The following ZRANB3 variants were observed in gnomAD, a reference collection of about 807,000 sequenced individuals.
ZRANB3 encodes zinc finger RANBP2-type containing 3.
Under a neutral mutation model 133.8 loss-of-function variants are expected in ZRANB3, and 125 were observed. The ratio of observed to expected loss-of-function variants is 0.93; its 90% CI spans 0.81 to 1.08. The LOEUF is 1.08. ZRANB3 is among the 50% of genes least tolerant of loss of function. The pLI is 0.00. For missense variants in ZRANB3, 1,229 were observed against 1,275.5 expected (o/e 0.96, Z 0.56); for synonymous variants, 387 against 432.7 (o/e 0.89, Z 1.31).
intron 15 of ZRANB3, among the ~76,000 whole-genome samples, chr2:135,223,561 C>T (rs534440385): frequency 2.0e-4 from 31 of 152,212 alleles, no homozygotes; most frequent in African/African-American, 7.2e-4. Context: ...CTCCTGACCT[C>T]AGGTGATCCA....
intron 12 of ZRANB3, among the ~76,000 whole-genome samples, chr2:135,251,469 G>A (rs529759180): frequency 5.9e-4 from 90 of 152,228 alleles, no homozygotes; most frequent in Admixed American, 1.6e-3. Flanking sequence ...GTTTGGCTGT[G>A]TCCCCACCCA....
At chr2:135,374,903 C>G (rs1686351722) in intron 3 of ZRANB3, among the ~76,000 whole-genome samples, 1 of 152,138 alleles carries the variant, frequency 6.6e-6, no homozygotes, top group Admixed American at 6.5e-5. Flanking sequence ...AAGATCTGAA[C>G]AGAGACCTCA....
intron 5 of ZRANB3, among the ~76,000 whole-genome samples, chr2:135,347,253 CAT>C (rs764685780): frequency 3.6e-4 from 54 of 151,314 alleles, no homozygotes; most frequent in Admixed American, 5.3e-4. Context: ...TAACTATACA[CAT>C]GAGTATATAA....
chr2:135,243,519 A>T (rs1308282517), intron 12 of ZRANB3, among the ~76,000 whole-genome samples: 3 of 152,342 alleles, frequency 2.0e-5, no homozygotes, highest in Non-Finnish European at 4.4e-5. Context: ...ATAATAATTT[A>T]AAAAAATTAC....
At chr2:135,463,432 T>G (rs550848906) in intron 2 of ZRANB3, among the ~76,000 whole-genome samples, 16 of 152,188 alleles carry the variant, frequency 1.1e-4, no homozygotes, top group Non-Finnish European at 2.2e-4. Flanking sequence ...GTTTTTTTTT[T>G]TTGAGACGGA....
intron 4 of ZRANB3, among the ~76,000 whole-genome samples, chr2:135,351,431 C>A (rs1209131803): frequency 6.6e-6 from 1 of 151,910 alleles, no homozygotes; most frequent in African/African-American, 2.4e-5. Context: ...CCACACCTGG[C>A]TAATTATTTG....
chr2:135,305,549 G>C (rs867158704), intron 8 of ZRANB3, among the ~76,000 whole-genome samples: 2 of 152,038 alleles, frequency 1.3e-5, no homozygotes, highest in South Asian at 4.1e-4. Context: ...TTGTTTTATC[G>C]TTGTTTTCTG....
chr2:135,525,192 G>A (rs1025525758), intron 1 of ZRANB3, among the ~76,000 whole-genome samples: 1 of 151,984 alleles, frequency 6.6e-6, no homozygotes, highest in Non-Finnish European at 1.5e-5. Flanking sequence ...ACAGCAACAG[G>A]CTACACAAAA....
chr2:135,203,148 A>G (rs1693693388), intron 19 of ZRANB3, among the ~76,000 whole-genome samples, 185 bp from the exon 20 acceptor site: 1 of 152,132 alleles, frequency 6.6e-6, no homozygotes. Context: ...AAGCAATAAG[A>G]TGTGTTTCTG....
chr2:135,391,621 C>T (rs1469825644), intron 2 of ZRANB3, among the ~76,000 whole-genome samples: 1 of 150,606 alleles, frequency 6.6e-6, no homozygotes, highest in African/African-American at 2.4e-5. Flanking sequence ...GCTCTGTTGC[C>T]CAGGCTGGAG....
At chr2:135,351,505 T>C (rs1187561720) in intron 4 of ZRANB3, among the ~76,000 whole-genome samples, 1 of 152,124 alleles carries the variant, frequency 6.6e-6, no homozygotes, top group Non-Finnish European at 1.5e-5. Flanking sequence ...CCTCCCAAAG[T>C]GCTGGGATTA....
chr2:135,516,207 G>A (rs776048550), intron 1 of ZRANB3, among the ~76,000 whole-genome samples: 2 of 151,830 alleles, frequency 1.3e-5, no homozygotes, highest in Non-Finnish European at 2.9e-5. Flanking sequence ...TTCTGAACAC[G>A]GCACACTGAT....
intron 6 of ZRANB3, among the ~76,000 whole-genome samples, chr2:135,340,732 T>G (rs1195456324): frequency 6.6e-6 from 1 of 152,062 alleles, no homozygotes; most frequent in Non-Finnish European, 1.5e-5. Context: ...GGCACGCGCC[T>G]GTAATCTCAG....
Position 135,282,797 on chromosome 2 carries a change from G to A in ZRANB3, c.967-7042C>T, listed in dbSNP as rs772589947. ...CCTAAATCTTTCCATAAGGTTTTCA[G>A]AACAAGTTATAATAAGGCAATCATT... On this transcript the variant is annotated intron_variant, in intron 8 of 20. Transcript: ENST00000264159. Among the ~76,000 whole-genome samples the A allele has an allele frequency of 5.1e-4, 77 of 152,090 alleles. 1 individual carries two copies. Among genetic ancestry groups the A allele is most frequent in the Non-Finnish European group, 6.8e-4 (46 of 68,016 alleles).
At chr2:135,339,611 A>G (rs1684538344) in intron 6 of ZRANB3, among the ~76,000 whole-genome samples, 1 of 152,224 alleles carries the variant, frequency 6.6e-6, no homozygotes, top group African/African-American at 2.4e-5. Flanking sequence ...TGGTATAGCC[A>G]TAACATTCCT....
At chr2:135,260,425 G>A (rs1004521862) in intron 12 of ZRANB3, among the ~76,000 whole-genome samples, 9 of 152,040 alleles carry the variant, frequency 5.9e-5, no homozygotes, top group East Asian at 5.8e-4. Flanking sequence ...ACTTGAGTTG[G>A]ACTTCAATTT....
chr2:135,203,447 G>A (rs1196811682), intron 19 of ZRANB3, among the ~76,000 whole-genome samples: 3 of 151,578 alleles, frequency 2.0e-5, no homozygotes, highest in Admixed American at 6.6e-5. Flanking sequence ...GTGAAACCCC[G>A]TCTCTACTAA....
chr2:135,246,188 GCCACAGTGCCT>G (rs1695795529), intron 12 of ZRANB3, among the ~76,000 whole-genome samples: 1 of 151,236 alleles, frequency 6.6e-6, no homozygotes, highest in Non-Finnish European at 1.5e-5. Context: ...ACAGGTGTGA[GCCACAGTGCCT>G]GGCCATCCTT....
chr2:135,491,045 T>C (rs1475196740), intron 2 of ZRANB3, among the ~76,000 whole-genome samples: 1 of 152,060 alleles, frequency 6.6e-6, no homozygotes, highest in African/African-American at 2.4e-5. Context: ...TACAGTTAGA[T>C]AGAAGAAATA....
Sources: allele counts gnomAD v4.1 joint callset (sites outside exome capture counted in the v4.1 genomes callset), GRCh38; gene constraint gnomAD v4.1.1; transcripts MANE v1.5; gene names NCBI Gene and HGNC (gene_info 2026-07-23, HGNC 2026-07-21).